Variants in RPS19 observed in about 807,000 individuals in gnomAD.
RPS19 encodes the protein small ribosomal subunit protein eS19.
Under a neutral mutation model 20.3 loss-of-function variants are expected in RPS19, and 1 was observed. The observed-to-expected ratio is 0.05, with a 90% CI of 0.02 to 0.23. The LOEUF is 0.23. Among genes scored for constraint, RPS19 ranks in the 10% least tolerant of loss-of-function variants. The pLI, the probability that RPS19 is intolerant of heterozygous loss-of-function variation, is 1.00. For synonymous variants in RPS19, 87 were observed against 74.8 expected, an observed-to-expected ratio of 1.16 and a Z score of -0.84; for missense variants, 111 against 192.7, an observed-to-expected ratio of 0.58 and a Z score of 2.51.
At chr19:41,861,954 T>C (rs2074036581) in intron 3 of RPS19, among the ~76,000 whole-genome samples, 1 of 152,216 alleles carries the variant, frequency 6.6e-6, no homozygotes, top group South Asian at 2.1e-4. Flanking sequence ...ACTCACTAAA[T>C]CTTCACTTTC....
chr19:41,868,962 A>G, intron 3 of RPS19, 69 bp from the exon 4 acceptor site: 1 of 1,474,768 alleles, frequency 6.8e-7, no homozygotes, highest in Non-Finnish European at 9.5e-7. Context: ...TTAGCTGTTT[A>G]CACACAAGGA....
chr19:41,865,949 TAAAA>T (rs35155067), intron 3 of RPS19, among the ~76,000 whole-genome samples: 3 of 74,504 alleles, frequency 4.0e-5, no homozygotes, highest in African/African-American at 1.5e-4. Context: ...ACTCCGTCTT[TAAAA>T]AAAAAAAAAA....
intron 3 of RPS19, chr19:41,864,678 C>G (rs1402120438): frequency 1.3e-5 from 2 of 152,262 alleles, no homozygotes; most frequent in African/African-American, 4.8e-5. Context: ...GGGGGTGATT[C>G]CTGGACAGGG....
At chr19:41,872,925 A>ACC (rs2074164505), downstream of RPS19, 1 of 151,992 alleles carries the variant, frequency 6.6e-6, no homozygotes, top group Admixed American at 6.6e-5. Context: ...TGTTAAAAGC[A>ACC]CCGTTGTTTA....
At chr19:41,865,793 GA>G (rs1435580659) in intron 3 of RPS19, among the ~76,000 whole-genome samples, 10 of 136,526 alleles carry the variant, frequency 7.3e-5, no homozygotes, top group African/African-American at 2.5e-4. Flanking sequence ...CTAAAAATAC[GA>G]AAAAATTAGC....
rs997347923 is a variant in RPS19, at chr19:41,872,134, C to A, written c.*757C>A. The A allele has an allele frequency of 2.0e-5, 3 of 152,328 alleles. No homozygotes were observed. Among genetic ancestry groups the A allele is most frequent in the Non-Finnish European group, 2.9e-5 (2 of 68,118 alleles). The allele number at this position is 152,328 out of a possible 1,614,324, so 9.4% of individuals were successfully genotyped here. A position where few individuals can be genotyped will look rare whatever the true frequency, so the allele number is the denominator to read the frequency against. On this transcript the variant is annotated 3_prime_UTR_variant, in exon 6 of 6. Coordinates refer to ENST00000598742, the MANE Select transcript of RPS19 (RefSeq NM_001022.4). ...GGCGGCCACACACGGGCTGCACAACCTTTGCAGTCGTGCACGGCAAGTGGG... is the reference window on the plus strand; with the variant it reads ...GGCGGCCACACACGGGCTGCACAACATTTGCAGTCGTGCACGGCAAGTGGG...
In RPS19 at chr19:41,872,596, G is replaced by GTT. The variant is rs1479547757; in HGVS notation, c.*1220_*1221insTT. 1 of 152,268 alleles carries GTT rather than the reference G, an allele frequency of 6.6e-6. No homozygotes were observed. The highest frequency in any genetic ancestry group is 1.5e-5 in the Non-Finnish European group (1 of 68,080). The allele number at this position is 152,268 out of a possible 1,614,324, so 9.4% of individuals were successfully genotyped here. On this transcript the variant is annotated 3_prime_UTR_variant, in exon 6 of 6. Coordinates refer to ENST00000598742, the MANE Select transcript of RPS19 (RefSeq NM_001022.4). ...AGTTGGCAGTCCCCAAACGTAAGGCGTAAGAGTTTAAGAAGTATCGGCCAG... is the reference window on the plus strand; with the variant it reads ...AGTTGGCAGTCCCCAAACGTAAGGCGTTTAAGAGTTTAAGAAGTATCGGCCAG...
chr19:41,861,473 C>T, intron 3 of RPS19: 1 of 506,130 alleles, frequency 2.0e-6, no homozygotes, highest in Non-Finnish European at 3.6e-6. Flanking sequence ...TCATATTTTG[C>T]TTACAGGTGG....
At chr19:41,869,874 G>A in intron 5 of RPS19, 121 bp downstream of exon 5, 1 of 1,035,616 alleles carries the variant, frequency 9.7e-7, no homozygotes, top group South Asian at 1.3e-5. Context: ...GGGTGCTGGT[G>A]GGGTCAGAGG....
At chr19:41,865,408 C>T (rs1409121609) in intron 3 of RPS19, among the ~76,000 whole-genome samples, 1 of 150,818 alleles carries the variant, frequency 6.6e-6, no homozygotes, top group South Asian at 2.1e-4. Context: ...GGAGCTTGTT[C>T]TCTACCAGTC....
In RPS19 at chr19:41,872,341, C is replaced by T. The variant is rs1555842201; in HGVS notation, c.*964C>T. On this transcript the variant is annotated 3_prime_UTR_variant, in exon 6 of 6. Transcript: ENST00000598742. ...TTGGCCAATATCTCCCAGGATTCCC[C>T]TGTCCAAATTATTCCTGGGATCTGA... 1 of 152,296 alleles carries T rather than the reference C, an allele frequency of 6.6e-6. No individual in the cohort carries two copies. The highest frequency in any genetic ancestry group is 2.4e-5 in the African/African-American group (1 of 41,488). The allele number at this position is 152,296 out of a possible 1,614,324, so 9.4% of individuals were successfully genotyped here.
intron 3 of RPS19, among the ~76,000 whole-genome samples, chr19:41,862,365 G>T (rs922261702): frequency 2.0e-5 from 3 of 152,128 alleles, no homozygotes; most frequent in African/African-American, 7.2e-5. Context: ...AGGTGGGTCG[G>T]GTTGCTGGCA....
At chr19:41,869,424 C>T (rs1167716248) in intron 4 of RPS19, among the ~76,000 whole-genome samples, 10 of 152,212 alleles carry the variant, frequency 6.6e-5, no homozygotes, top group African/African-American at 2.4e-4. Flanking sequence ...GGTAATTTAG[C>T]GACTATCTGC....
chr19:41,862,849 C>T (rs1195641428), intron 3 of RPS19, among the ~76,000 whole-genome samples: 2 of 152,118 alleles, frequency 1.3e-5, no homozygotes, highest in African/African-American at 4.8e-5. Flanking sequence ...CTCTTTTTCA[C>T]CTCACTTGCC....
chr19:41,868,460 G>A (rs1354707142), intron 3 of RPS19, among the ~76,000 whole-genome samples: 1 of 152,232 alleles, frequency 6.6e-6, no homozygotes, highest in Non-Finnish European at 1.5e-5. Flanking sequence ...AAGCGTGCAA[G>A]CGTTTCTGGG....
chr19:41,869,367 G>A (rs546889625), intron 4 of RPS19, among the ~76,000 whole-genome samples, 153 bp downstream of exon 4: 72 of 152,290 alleles, frequency 4.7e-4, no homozygotes, highest in African/African-American at 1.6e-3. Context: ...CAAACAGCAC[G>A]GGGCCTCACC....
intron 4 of RPS19, 33 bp from the exon 5 acceptor site, chr19:41,869,666 A>C (rs1555841536): frequency 1.9e-6 from 3 of 1,611,224 alleles, no homozygotes; most frequent in Non-Finnish European, 1.7e-6. Context: ...ACCTGTGCTC[A>C]CTGGGGCCTG....
rs538305970 is a variant in RPS19 at position 41,865,801 on chromosome 19, T to A, written c.173-3230T>A. On this transcript the variant is annotated intron_variant, in intron 3 of 5. Transcript: ENST00000598742. ...ATGTCTACTAAAAATACGAAAAAATTAGCCGGGCGTGGTGGCGGGCGCCTG... is the reference window on the plus strand; with the variant it reads ...ATGTCTACTAAAAATACGAAAAAATAAGCCGGGCGTGGTGGCGGGCGCCTG... 9.2e-5 allele frequency among the ~76,000 whole-genome samples: 13 copies of A among 142,016 alleles called. No individual in the cohort carries two copies. The East Asian group carries it at 2.8e-3, about 30-fold the overall frequency. 93.2% of individuals were successfully genotyped at this position (142,016 alleles called of 152,430 possible). A position where few individuals can be genotyped will look rare whatever the true frequency, so the allele number is the denominator to read the frequency against.
rs534504664 is a variant in RPS19, at chr19:41,861,556, C to T, written c.172+344C>T. 2.4e-5 allele frequency: 9 copies of T among 370,856 alleles called. No individual in the cohort carries two copies. In the East Asian group the frequency reaches 6.0e-4, roughly 25 times the overall value. The allele number at this position is 370,856 out of a possible 1,614,324, so 23.0% of individuals were successfully genotyped here. A position where few individuals can be genotyped will look rare whatever the true frequency, so the allele number is the denominator to read the frequency against. On this transcript the variant is annotated intron_variant, in intron 3 of 5. Coordinates refer to ENST00000598742, the MANE Select transcript of RPS19 (RefSeq NM_001022.4). Reference sequence around the variant, plus strand: ...CATCTTTTACATCTGGCTGTGTGTCCTCTGGCAAGTTGGTTAACCTGCCTG... The same window carrying T: ...CATCTTTTACATCTGGCTGTGTGTCTTCTGGCAAGTTGGTTAACCTGCCTG...
Sources: gnomAD v4.1 joint callset for allele counts (sites outside exome capture counted in the v4.1 genomes callset) on GRCh38, gnomAD v4.1.1 for gene constraint, MANE v1.5 for transcripts, NCBI Gene and HGNC (gene_info 2026-07-23, HGNC 2026-07-21) for gene names.